Variants in ACBD6 observed in about 807,000 individuals in gnomAD.
ACBD6 encodes the protein acyl-CoA binding domain containing 6.
A neutral mutation model predicts 37.2 loss-of-function variants in ACBD6; 28 were observed. The observed-to-expected ratio is 0.75, with a 90% confidence interval of 0.56 to 1.03. ACBD6 has a LOEUF of 1.03. Among genes scored for constraint, ACBD6 ranks in the 50% least tolerant of loss-of-function variants. The probability of loss-of-function intolerance (pLI) is 0.00; values close to 1 mark genes in which losing one functional copy is unlikely to be tolerated. For missense variants in ACBD6, 340 were observed against 337.4 expected, an observed-to-expected ratio of 1.01 and a Z score of -0.06; for synonymous variants, 113 against 126.8, an observed-to-expected ratio of 0.89 and a Z score of 0.73.
intron 6 of ACBD6, among the ~76,000 whole-genome samples, chr1:180,346,109 G>A (rs979309148): frequency 2.0e-5 from 3 of 152,256 alleles, no homozygotes; most frequent in African/African-American, 7.2e-5. Context: ...GGTAGCAAGT[G>A]CTGACAGGCT....
intron 7 of ACBD6, among the ~76,000 whole-genome samples, chr1:180,304,683 T>C (rs1028438952): frequency 6.6e-6 from 1 of 150,792 alleles, no homozygotes; most frequent in African/African-American, 2.4e-5. Context: ...CTGCCCAAGG[T>C]AATTTATAGA....
intron 7 of ACBD6, among the ~76,000 whole-genome samples, chr1:180,296,228 A>T (rs1305141650): frequency 6.6e-6 from 1 of 152,200 alleles, no homozygotes; most frequent in Non-Finnish European, 1.5e-5. Context: ...TTCTACGAAG[A>T]CTGAAAGAGA....
At chr1:180,377,764 A>G (rs911174813) in intron 6 of ACBD6, among the ~76,000 whole-genome samples, 3 of 152,002 alleles carry the variant, frequency 2.0e-5, no homozygotes, top group Non-Finnish European at 2.9e-5. Flanking sequence ...CCTGACCAAC[A>G]TGGAGAAACC....
chr1:180,361,648 C>T (rs1042925163), intron 6 of ACBD6, among the ~76,000 whole-genome samples: 4 of 152,252 alleles, frequency 2.6e-5, no homozygotes, highest in African/African-American at 4.8e-5. Flanking sequence ...CCAATAGAGA[C>T]AGTATCTAGC....
At chr1:180,270,336 AC>A (rs1648569856) in exon 14 of ACBD6, 1 of 152,304 alleles carries the variant, frequency 6.6e-6, no homozygotes, top group Admixed American at 6.5e-5. Flanking sequence ...TCACAGAGAC[AC>A]CTTCTGGGGC....
chr1:180,449,291 A>T (rs1047051020), intron 3 of ACBD6, among the ~76,000 whole-genome samples: 1 of 152,162 alleles, frequency 6.6e-6, no homozygotes, highest in Non-Finnish European at 1.5e-5. Flanking sequence ...AATTCTCAAA[A>T]TCTTATTTCT....
chr1:180,455,191 T>TA (rs561267626), intron 3 of ACBD6, among the ~76,000 whole-genome samples: 5 of 151,874 alleles, frequency 3.3e-5, no homozygotes, highest in African/African-American at 9.7e-5. Flanking sequence ...TATGCAGCCA[T>TA]AAAAAAAGGA....
chr1:180,331,784 C>T (rs1651493338), intron 6 of ACBD6, among the ~76,000 whole-genome samples: 1 of 152,114 alleles, frequency 6.6e-6, no homozygotes, highest in African/African-American at 2.4e-5. Context: ...TGTCCCAACC[C>T]CAAGACTTCA....
chr1:180,481,483 A>C (rs1272477741), intron 3 of ACBD6, among the ~76,000 whole-genome samples: 4 of 152,186 alleles, frequency 2.6e-5, no homozygotes, highest in Admixed American at 6.5e-5. Context: ...AGTGGCCTTT[A>C]CCATACTCAA....
intron 6 of ACBD6, among the ~76,000 whole-genome samples, chr1:180,384,371 G>C (rs889754164): frequency 6.6e-6 from 1 of 152,000 alleles, no homozygotes; most frequent in Non-Finnish European, 1.5e-5. Context: ...CTCAAAAGTA[G>C]ACAAACAAAT....
intron 6 of ACBD6, among the ~76,000 whole-genome samples, chr1:180,335,401 C>T (rs1376730728): frequency 1.3e-5 from 2 of 152,014 alleles, no homozygotes; most frequent in Admixed American, 6.6e-5. Flanking sequence ...ATTTCATATC[C>T]AGCCAAACTA....
At chr1:180,491,799 T>A (rs1300875599) in intron 3 of ACBD6, among the ~76,000 whole-genome samples, 1 of 152,164 alleles carries the variant, frequency 6.6e-6, no homozygotes, top group Non-Finnish European at 1.5e-5. Flanking sequence ...ACTATTTAAG[T>A]AATTATTATT....
rs1480994631 is a variant in ACBD6, at chr1:180,351,587, T to G, written c.664-36865A>C. ...TGTGCCTGGCCCGATATTACGTTTT[T>G]TTTTTTTTTTTTTTTGATAGGGCAT... On this transcript the variant is annotated intron_variant, in intron 6 of 7. Coordinates refer to ENST00000367595, the MANE Select transcript of ACBD6 (RefSeq NM_032360.4). 4.0e-5 allele frequency among the ~76,000 whole-genome samples: 6 copies of G among 148,406 alleles called. 1 individual carries two copies. In the Middle Eastern group the frequency reaches 0.01, roughly 256 times the overall value.
intron 5 of ACBD6, among the ~76,000 whole-genome samples, chr1:180,404,313 A>T (rs571341543): frequency 3.8e-4 from 58 of 152,110 alleles, no homozygotes; most frequent in Non-Finnish European, 7.4e-5. Context: ...ACACATGTGA[A>T]TGTATTGTTT....
chr1:180,461,242 T>C (rs964382844), intron 3 of ACBD6, among the ~76,000 whole-genome samples: 7 of 152,144 alleles, frequency 4.6e-5, no homozygotes, highest in African/African-American at 1.7e-4. Context: ...CTGAGAAATA[T>C]GGGATTATAT....
At chr1:180,455,554 C>T (rs1358012278) in intron 3 of ACBD6, among the ~76,000 whole-genome samples, 1 of 151,928 alleles carries the variant, frequency 6.6e-6, no homozygotes, top group Non-Finnish European at 1.5e-5. Context: ...CTTATTATCA[C>T]TTTACAAAGA....
intron 6 of ACBD6, among the ~76,000 whole-genome samples, chr1:180,380,414 G>C (rs1653594781): frequency 6.6e-6 from 1 of 152,044 alleles, no homozygotes; most frequent in African/African-American, 2.4e-5. Flanking sequence ...GAGAGAATTG[G>C]ATGATATATT....
chr1:180,301,314 A>G (rs894132649), intron 7 of ACBD6, among the ~76,000 whole-genome samples: 1 of 152,184 alleles, frequency 6.6e-6, no homozygotes, highest in Non-Finnish European at 1.5e-5. Context: ...AAAGCCACAT[A>G]TAACTGCTGA....
At chr1:180,489,033 G>A (rs1651386110) in intron 3 of ACBD6, among the ~76,000 whole-genome samples, 1 of 152,092 alleles carries the variant, frequency 6.6e-6, no homozygotes, top group African/African-American at 2.4e-5. Context: ...ATTCAGGCCA[G>A]GTGCAGTGGC....
Sources: gnomAD v4.1 joint callset for allele counts (sites outside exome capture counted in the v4.1 genomes callset) on GRCh38, gnomAD v4.1.1 for gene constraint, MANE v1.5 for transcripts, NCBI Gene and HGNC (gene_info 2026-07-23, HGNC 2026-07-21) for gene names.